Variants in TAFA1 observed in about 807,000 individuals in gnomAD.
TAFA1 encodes the protein TAFA chemokine like family member 1.
A neutral mutation model predicts 18.5 loss-of-function variants in TAFA1; 4 were observed. The observed-to-expected ratio is 0.22, with a 90% CI of 0.11 to 0.49. The LOEUF (loss-of-function observed/expected upper bound fraction) is 0.49, where lower values mean the gene tolerates loss of function less well. Among genes scored for constraint, TAFA1 ranks in the 20% least tolerant of loss-of-function variants. The pLI is 0.98. For missense variants in TAFA1, 147 were observed against 169.0 expected (o/e 0.87, Z 0.72); for synonymous variants, 56 against 55.2 (o/e 1.01, Z -0.06).
At chr3:68,370,506 A>ATATATATATACG in intron 2 of TAFA1, among the ~76,000 whole-genome samples, 1 of 75,104 alleles carries the variant, frequency 1.3e-5, no homozygotes, top group South Asian at 5.5e-4. Flanking sequence ...ATATATATAT[A>ATATATATATACG]TATATATATA....
intron 2 of TAFA1, among the ~76,000 whole-genome samples, chr3:68,178,397 C>G (rs975231062): frequency 2.6e-5 from 4 of 152,064 alleles, no homozygotes; most frequent in South Asian, 4.1e-4. Flanking sequence ...GTGGAAGGAA[C>G]AGACCAAAAA....
intron 3 of TAFA1, 93 bp downstream of exon 3, chr3:68,417,513 G>T (rs1433206066): frequency 3.3e-6 from 4 of 1,208,256 alleles, no homozygotes; most frequent in South Asian, 1.6e-5. Flanking sequence ...TCCAGATAAT[G>T]AACAAGGTGC....
chr3:68,006,461 C>T (rs1269087558), intron 1 of TAFA1, 163 bp from the exon 2 acceptor site: 2 of 582,064 alleles, frequency 3.4e-6, no homozygotes, highest in African/African-American at 3.7e-5. Flanking sequence ...AGGGCTTTCT[C>T]TCAATCCCAC....
intron 2 of TAFA1, among the ~76,000 whole-genome samples, chr3:68,279,974 T>C (rs73836844): frequency 0.021 from 3,239 of 152,288 alleles, 74 homozygotes; most frequent in South Asian, 0.099. Flanking sequence ...AGTGTTCTTA[T>C]TTTCCCAAAT....
chr3:68,479,224 C>T (rs777990085), intron 3 of TAFA1, among the ~76,000 whole-genome samples: 130 of 82,342 alleles, frequency 1.6e-3, no homozygotes, highest in Non-Finnish European at 2.2e-3. Flanking sequence ...AGTGAGACTC[C>T]ATCTCAAAAA....
intron 3 of TAFA1, among the ~76,000 whole-genome samples, chr3:68,426,001 C>T (rs1056452138): frequency 2.6e-5 from 4 of 151,444 alleles, no homozygotes; most frequent in Non-Finnish European, 5.9e-5. Context: ...CTCATACAGT[C>T]GTTTCCTACT....
At chr3:68,471,895 A>T (rs2072003037) in intron 3 of TAFA1, among the ~76,000 whole-genome samples, 1 of 152,150 alleles carries the variant, frequency 6.6e-6, no homozygotes. Context: ...GTGTACCCCC[A>T]TTGTATCTAG....
intron 2 of TAFA1, among the ~76,000 whole-genome samples, chr3:68,382,061 G>T (rs2069973758): frequency 6.6e-6 from 1 of 152,128 alleles, no homozygotes; most frequent in Non-Finnish European, 1.5e-5. Flanking sequence ...CTTTGGTTCT[G>T]TTTATATGCT....
chr3:68,230,183 C>T (rs1276669578), intron 2 of TAFA1, among the ~76,000 whole-genome samples: 1 of 152,140 alleles, frequency 6.6e-6, no homozygotes, highest in African/African-American at 2.4e-5. Context: ...ACTACAGTCA[C>T]TCTATGTGCT....
chr3:68,413,755 G>A (rs1345161922), intron 2 of TAFA1, among the ~76,000 whole-genome samples: 4 of 152,178 alleles, frequency 2.6e-5, no homozygotes, highest in South Asian at 2.1e-4. Context: ...GGGCAGGGGG[G>A]TGAGGGGACA....
At position 68,136,796 on chromosome 3, in the gene TAFA1, G is replaced by A. The variant is rs1559533957; in HGVS notation, c.118+130052G>A. ...TGATTAAAATTCACTTTGTGCATTG[G>A]ATTCTCTCTTCCATCAGTGTACATC... On this transcript the variant is annotated intron_variant, in intron 2 of 4. Coordinates refer to ENST00000478136, the MANE Select transcript of TAFA1 (RefSeq NM_213609.4). 3.9e-5 allele frequency among the ~76,000 whole-genome samples: 6 copies of A among 152,194 alleles called. No homozygotes were observed. The South Asian group carries it at 1.2e-3, about 32-fold the overall frequency.
At chr3:68,090,024 T>A (rs2106794837) in intron 2 of TAFA1, among the ~76,000 whole-genome samples, 1 of 152,282 alleles carries the variant, frequency 6.6e-6, no homozygotes, top group Non-Finnish European at 1.5e-5. Context: ...CAGTTGAGGT[T>A]AGCAGCTTGA....
At chr3:68,157,029 T>C (rs1046792860) in intron 2 of TAFA1, among the ~76,000 whole-genome samples, 2 of 152,232 alleles carry the variant, frequency 1.3e-5, no homozygotes, top group African/African-American at 4.8e-5. Context: ...AACAAACTTT[T>C]ATATTTTAAT....
chr3:68,176,235 A>C (rs1184364997), intron 2 of TAFA1, among the ~76,000 whole-genome samples: 1 of 152,218 alleles, frequency 6.6e-6, no homozygotes, highest in Non-Finnish European at 1.5e-5. Flanking sequence ...CAATTCCAGC[A>C]CATTGGGAGG....
In TAFA1 at chr3:68,382,716, T is replaced by C. The variant is rs551183899; in HGVS notation, c.119-34564T>C. Among the ~76,000 whole-genome samples, 3 of 152,270 alleles carry C rather than the reference T, an allele frequency of 2.0e-5. No individual in the cohort carries two copies. The South Asian group carries it at 6.2e-4, about 32-fold the overall frequency. On this transcript the variant is annotated intron_variant, in intron 2 of 4. Coordinates refer to ENST00000478136, the MANE Select transcript of TAFA1 (RefSeq NM_213609.4). ...CTTTTTTATGGTTCCATATGAACTT[T>C]AAAATACTATTTTCTAGTTCTGTGA...
intron 2 of TAFA1, among the ~76,000 whole-genome samples, chr3:68,019,342 C>A (rs184296093): frequency 6.6e-6 from 1 of 152,114 alleles, no homozygotes; most frequent in African/African-American, 2.4e-5. Context: ...GTTATTGTTT[C>A]CCAATAAATT....
intron 2 of TAFA1, among the ~76,000 whole-genome samples, chr3:68,404,625 C>T (rs989138225): frequency 1.3e-5 from 2 of 151,904 alleles, no homozygotes; most frequent in African/African-American, 2.4e-5. Flanking sequence ...AGTGAAATCC[C>T]GTCTCTACTA....
intron 3 of TAFA1, among the ~76,000 whole-genome samples, chr3:68,434,904 G>A (rs148286287): frequency 6.6e-6 from 1 of 152,248 alleles, no homozygotes; most frequent in Non-Finnish European, 1.5e-5. Context: ...TGCCAAATCA[G>A]AAGATTCATT....
At chr3:68,345,916 C>G (rs562065694) in intron 2 of TAFA1, among the ~76,000 whole-genome samples, 1 of 151,956 alleles carries the variant, frequency 6.6e-6, no homozygotes, top group Non-Finnish European at 1.5e-5. Context: ...AAAGATTGGC[C>G]GGAGAGAGAA....
Sources: allele counts gnomAD v4.1 joint callset (sites outside exome capture counted in the v4.1 genomes callset), GRCh38; gene constraint gnomAD v4.1.1; transcripts MANE v1.5; gene names NCBI Gene and HGNC (gene_info 2026-07-23, HGNC 2026-07-21).